H2AC16: variants seen among roughly 807,000 people sequenced by gnomAD.
H2AC16 encodes the protein H2A clustered histone 16.
A neutral mutation model predicts 6.6 loss-of-function variants in H2AC16; 11 were observed. The ratio of observed to expected loss-of-function variants is 1.67; its 90% CI spans 1.05 to 2.77. The LOEUF is 2.77. Among genes scored for constraint, H2AC16 ranks in the 30% most tolerant of loss-of-function variants. The pLI is 0.00. For synonymous variants in H2AC16, 131 were observed against 80.8 expected, an observed-to-expected ratio of 1.62 and a Z score of -3.33; for missense variants, 212 against 177.1, an observed-to-expected ratio of 1.20 and a Z score of -1.12.
chr6:27,865,330 T>G lies in H2AC16; in HGVS notation c.-25T>G, dbSNP rs771377224. The G allele has an allele frequency of 6.3e-7, 1 of 1,587,200 alleles. No homozygotes were observed. The highest frequency in any genetic ancestry group is 1.7e-5 in the Admixed American group (1 of 57,510). ...GTGAACTTCTCTCGGCTGTTCTCAG[T>G]TCCTCCATTTATCGTTTCTTCGTCA... On this transcript the variant is annotated 5_prime_UTR_variant, in exon 1 of 1. Transcript: ENST00000613174.
At position 27,865,513 on chromosome 6, in the gene H2AC16, G is replaced by C; in HGVS notation, c.159G>C (p.Ala53=). ...GGGCCGGCGCGCCGGTGTACCTGGC[G>C]GCGGTGCTGGAGTACCTGACTGCCG... ...RVGAGAPVYL[A]AVLEYLTAEI... Residue 53 remains alanine, a synonymous_variant, in exon 1 of 1, where the codon GCG becomes GCC. Transcript: ENST00000613174. 2 of 1,614,004 alleles carry C rather than the reference G, an allele frequency of 1.2e-6. No individual in the cohort carries two copies. Among genetic ancestry groups the C allele is most frequent in the Admixed American group, 1.7e-5 (1 of 60,006 alleles).
In H2AC16 at chr6:27,865,325, C is replaced by T. The variant is rs979363203; in HGVS notation, c.-30C>T. 6.3e-7 allele frequency: 1 copy of T among 1,581,036 alleles called. No homozygotes were observed. The highest frequency in any genetic ancestry group is 1.8e-5 in the Admixed American group (1 of 56,720). Reference sequence around the variant, plus strand: ...CTCTGGTGAACTTCTCTCGGCTGTTCTCAGTTCCTCCATTTATCGTTTCTT... The same window carrying T: ...CTCTGGTGAACTTCTCTCGGCTGTTTTCAGTTCCTCCATTTATCGTTTCTT... On this transcript the variant is annotated 5_prime_UTR_variant, in exon 1 of 1. Coordinates refer to ENST00000613174, the MANE Select transcript of H2AC16 (RefSeq NM_003511.3).
rs766710032 is a variant in H2AC16 at position 27,865,501 on chromosome 6, G to T, written c.147G>T (p.Pro49=). Residue 49 remains proline, a synonymous_variant, in exon 1 of 1, where the codon CCG becomes CCT. Coordinates refer to ENST00000613174, the MANE Select transcript of H2AC16 (RefSeq NM_003511.3). ...NYAERVGAGA[P]VYLAAVLEYL... ...CTGAGCGGGTCGGGGCCGGCGCGCC[G>T]GTGTACCTGGCGGCGGTGCTGGAGT... is the stretch of plus-strand genomic sequence containing the variant. The T allele has an allele frequency of 4.3e-6, 7 of 1,613,942 alleles. No individual in the cohort carries two copies. The African/African-American group carries it at 6.7e-5, about 15-fold the overall frequency.
Position 27,865,444 on chromosome 6 carries a change from A to G in H2AC16, c.90A>G (p.Arg30=). The change falls in exon 1 of 1, where the codon CGA becomes CGG. Residue 30 remains arginine (R), a synonymous_variant. Transcript: ENST00000613174. ...CCGGTCTCCAGTTCCCCGTGGGCCG[A>G]GTGCACCGACTGCTCCGCAAGGGCA... ...SRAGLQFPVG[R]VHRLLRKGNY... 3 of 1,613,940 alleles carry G rather than the reference A, an allele frequency of 1.9e-6. No homozygotes were observed. Among genetic ancestry groups the G allele is most frequent in the Non-Finnish European group, 2.5e-6 (3 of 1,179,936 alleles).
At position 27,865,747 on chromosome 6, in the gene H2AC16, A is replaced by G; in HGVS notation, c.393A>G (p.Ter131=). The G allele has an allele frequency of 6.2e-7, 1 of 1,613,514 alleles. No individual in the cohort carries two copies. The highest frequency in any genetic ancestry group is 1.1e-5 in the South Asian group (1 of 91,070). ...TESHHKAKGK[*] is the part of the protein sequence containing the mutation. ...GTCACCACAAGGCCAAAGGCAAATA[A>G]TGTCTCCATAGAATCACTTTCCAAT... Residue 131 remains the stop codon, a stop_retained_variant, in exon 1 of 1, where the codon TAA becomes TAG. Coordinates refer to ENST00000613174, the MANE Select transcript of H2AC16 (RefSeq NM_003511.3).
chr6:27,865,583 A>G lies in H2AC16; in HGVS notation c.229A>G (p.Thr77Ala). Residue 77 changes from threonine (T) to alanine (A), a missense_variant, in exon 1 of 1, where the codon ACC (threonine) becomes GCC (alanine). By Grantham distance (58) the Thr-to-Ala change is moderately conservative (BLOSUM62 0). Coordinates refer to ENST00000613174, the MANE Select transcript of H2AC16 (RefSeq NM_003511.3). ...CAACGCCGCCCGCGACAACAAGAAG[A>G]CCCGCATTATCCCGCGCCACTTGCA... ...AGNAARDNKKTRIIPRHLQLA... is the reference protein window; with the variant it reads ...AGNAARDNKKARIIPRHLQLA... 1 of 1,614,094 alleles carries G rather than the reference A, an allele frequency of 6.2e-7. No individual in the cohort carries two copies. The highest frequency in any genetic ancestry group is 8.5e-7 in the Non-Finnish European group (1 of 1,180,024).
rs1761474928 is a variant in H2AC16, at chr6:27,865,394, A to G, written c.40A>G (p.Lys14Glu). ...CAAGCAGGGAGGCAAAGCTCGCGCC[A>G]AAGCCAAGACCCGCTCTTCTCGTGC... ...RGKQGGKARA[K>E]AKTRSSRAGL... Residue 14 changes from lysine to glutamate, a missense_variant, in exon 1 of 1, where the codon AAA (lysine) becomes GAA (glutamate). By Grantham distance (56) the Lys-to-Glu change is moderately conservative. Coordinates refer to ENST00000613174, the MANE Select transcript of H2AC16 (RefSeq NM_003511.3). 8.1e-6 allele frequency: 13 copies of G among 1,611,646 alleles called. No homozygotes were observed. Among genetic ancestry groups the G allele is most frequent in the Non-Finnish European group, 1.0e-5 (12 of 1,178,300 alleles).
At position 27,865,520 on chromosome 6, in the gene H2AC16, C is replaced by A. The variant is rs1260305444; in HGVS notation, c.166C>A (p.Leu56Met). ...CGCGCCGGTGTACCTGGCGGCGGTG[C>A]TGGAGTACCTGACTGCCGAGATCCT... ...AGAPVYLAAV[L>M]EYLTAEILEL... Residue 56 changes from leucine to methionine, a missense_variant, in exon 1 of 1, where the codon CTG (leucine) becomes ATG (methionine). Transcript: ENST00000613174. 2.5e-6 allele frequency: 4 copies of A among 1,614,168 alleles called. No homozygotes were observed. Among genetic ancestry groups the A allele is most frequent in the South Asian group, 2.2e-5 (2 of 91,080 alleles).
At position 27,865,459 on chromosome 6, in the gene H2AC16, C is replaced by A. The variant is rs761920237; in HGVS notation, c.105C>A (p.Leu35=). 15 of 1,614,046 alleles carry A rather than the reference C, an allele frequency of 9.3e-6. No homozygotes were observed. The highest frequency in any genetic ancestry group is 1.2e-5 in the Non-Finnish European group (14 of 1,179,948). Residue 35 remains leucine, a synonymous_variant, in exon 1 of 1, where the codon CTC becomes CTA. Transcript: ENST00000613174. ...QFPVGRVHRL[L]RKGNYAERVG... The stretch of plus-strand genomic sequence containing the variant: ...CCGTGGGCCGAGTGCACCGACTGCT[C>A]CGCAAGGGCAACTATGCTGAGCGGG...
Position 27,865,700 on chromosome 6 carries a change from C to T in H2AC16, c.346C>T (p.Leu116=), listed in dbSNP as rs1324097183. ...GGVLPNIQAV[L]LPKKTESHHK... is the part of the protein sequence containing the mutation. ...TGTCCTGCCCAACATCCAGGCTGTG[C>T]TACTGCCCAAGAAGACCGAGAGTCA... Residue 116 remains leucine, a synonymous_variant, in exon 1 of 1, where the codon CTA becomes TTA. Coordinates refer to ENST00000613174, the MANE Select transcript of H2AC16 (RefSeq NM_003511.3). The T allele has an allele frequency of 2.5e-6, 4 of 1,614,218 alleles. No individual in the cohort carries two copies. The highest frequency in any genetic ancestry group is 2.2e-5 in the South Asian group (2 of 91,084).
Position 27,865,393 on chromosome 6 carries a change from C to T in H2AC16, c.39C>T (p.Ala13=), listed in dbSNP as rs1171692930. The T allele has an allele frequency of 2.5e-6, 4 of 1,611,696 alleles. No homozygotes were observed. Among genetic ancestry groups the T allele is most frequent in the East Asian group, 2.2e-5 (1 of 44,816 alleles). ...GCAAGCAGGGAGGCAAAGCTCGCGC[C>T]AAAGCCAAGACCCGCTCTTCTCGTG... ...GRGKQGGKAR[A]KAKTRSSRAG... The change falls in exon 1 of 1, where the codon GCC becomes GCT. Residue 13 remains alanine, a synonymous_variant. Transcript: ENST00000613174.
At position 27,865,503 on chromosome 6, in the gene H2AC16, T is replaced by G. The variant is rs763762817; in HGVS notation, c.149T>G (p.Val50Gly). ...YAERVGAGAP[V>G]YLAAVLEYLT... ...GAGCGGGTCGGGGCCGGCGCGCCGG[T>G]GTACCTGGCGGCGGTGCTGGAGTAC... Residue 50 changes from valine to glycine, a missense_variant, in exon 1 of 1, where the codon GTG becomes GGG. Coordinates refer to ENST00000613174, the MANE Select transcript of H2AC16 (RefSeq NM_003511.3). 1 of 1,613,928 alleles carries G rather than the reference T, an allele frequency of 6.2e-7. No individual in the cohort carries two copies. The highest frequency in any genetic ancestry group is 8.5e-7 in the Non-Finnish European group (1 of 1,179,978).
In H2AC16 at chr6:27,865,322, G is replaced by C; in HGVS notation, c.-33G>C. The C allele has an allele frequency of 6.3e-7, 1 of 1,578,174 alleles. No homozygotes were observed. The highest frequency in any genetic ancestry group is 8.6e-7 in the Non-Finnish European group (1 of 1,160,398). On this transcript the variant is annotated 5_prime_UTR_variant, in exon 1 of 1. Transcript: ENST00000613174. Reference sequence around the variant, plus strand: ...GAGCTCTGGTGAACTTCTCTCGGCTGTTCTCAGTTCCTCCATTTATCGTTT... The same window carrying C: ...GAGCTCTGGTGAACTTCTCTCGGCTCTTCTCAGTTCCTCCATTTATCGTTT...
chr6:27,865,594 C>T lies in H2AC16; in HGVS notation c.240C>T (p.Ile80=). The part of the protein sequence containing the change: ...AARDNKKTRI[I]PRHLQLAIRN... ...GCGACAACAAGAAGACCCGCATTAT[C>T]CCGCGCCACTTGCAGCTGGCCATCC... The change falls in exon 1 of 1, where the codon ATC becomes ATT. Residue 80 remains isoleucine, a synonymous_variant. Coordinates refer to ENST00000613174, the MANE Select transcript of H2AC16 (RefSeq NM_003511.3). The T allele has an allele frequency of 6.2e-7, 1 of 1,614,244 alleles. No homozygotes were observed.
rs1412896073 is a variant in H2AC16, at chr6:27,865,442, C to T, written c.88C>T (p.Arg30Ter). The change falls in exon 1 of 1, where the codon CGA (arginine) becomes TGA (stop). Residue 30 changes from arginine to a stop codon, truncating the protein, a stop_gained. Coordinates refer to ENST00000613174, the MANE Select transcript of H2AC16 (RefSeq NM_003511.3). LOFTEE classifies it high-confidence loss of function. Reference protein sequence around the residue: ...SRAGLQFPVGRVHRLLRKGNY... With the variant: ...SRAGLQFPVG The stretch of plus-strand genomic sequence containing the variant: ...TGCCGGTCTCCAGTTCCCCGTGGGC[C>T]GAGTGCACCGACTGCTCCGCAAGGG... 1.2e-6 allele frequency: 2 copies of T among 1,613,882 alleles called. No individual in the cohort carries two copies. The highest frequency in any genetic ancestry group is 1.7e-6 in the Non-Finnish European group (2 of 1,179,966).
rs576189710 is a variant in H2AC16, at chr6:27,865,460, C to A, written c.106C>A (p.Arg36Ser). 1.2e-6 allele frequency: 2 copies of A among 1,614,042 alleles called. No individual in the cohort carries two copies. Among genetic ancestry groups the A allele is most frequent in the Non-Finnish European group, 1.7e-6 (2 of 1,179,956 alleles). Reference sequence around the variant, plus strand: ...CGTGGGCCGAGTGCACCGACTGCTCCGCAAGGGCAACTATGCTGAGCGGGT... The same window carrying A: ...CGTGGGCCGAGTGCACCGACTGCTCAGCAAGGGCAACTATGCTGAGCGGGT... ...FPVGRVHRLL[R>S]KGNYAERVGA... The change falls in exon 1 of 1, where the codon CGC becomes AGC. Residue 36 changes from arginine (R) to serine (S), a missense_variant. By Grantham distance (110) the Arg-to-Ser change is moderately radical. Coordinates refer to ENST00000613174, the MANE Select transcript of H2AC16 (RefSeq NM_003511.3).
chr6:27,865,429 G>T lies in H2AC16; in HGVS notation c.75G>T (p.Gln25His). Reference sequence around the variant, plus strand: ...CCCGCTCTTCTCGTGCCGGTCTCCAGTTCCCCGTGGGCCGAGTGCACCGAC... The same window carrying T: ...CCCGCTCTTCTCGTGCCGGTCTCCATTTCCCCGTGGGCCGAGTGCACCGAC... ...AKTRSSRAGL[Q>H]FPVGRVHRLL... Residue 25 changes from glutamine to histidine, a missense_variant, in exon 1 of 1, where the codon CAG (glutamine) becomes CAT (histidine). Transcript: ENST00000613174. 6.2e-7 allele frequency: 1 copy of T among 1,613,982 alleles called. No homozygotes were observed. The highest frequency in any genetic ancestry group is 1.7e-5 in the Admixed American group (1 of 60,020).
In H2AC16 at chr6:27,865,639, C is replaced by A. The variant is rs1273139740; in HGVS notation, c.285C>A (p.Asn95Lys). The A allele has an allele frequency of 6.2e-7, 1 of 1,614,244 alleles. No homozygotes were observed. The highest frequency in any genetic ancestry group is 8.5e-7 in the Non-Finnish European group (1 of 1,180,048). The change falls in exon 1 of 1, where the codon AAC becomes AAA. Residue 95 changes from asparagine (N) to lysine (K), a missense_variant. Physicochemically the swap from Asn to Lys is moderately conservative, Grantham distance 94 (BLOSUM62 0). Coordinates refer to ENST00000613174, the MANE Select transcript of H2AC16 (RefSeq NM_003511.3). ...CCATCCGCAACGACGAGGAGCTCAA[C>A]AAGCTGCTGGGCAAAGTAACCATCG... ...QLAIRNDEEL[N>K]KLLGKVTIAQ...
chr6:27,865,718 G>T lies in H2AC16; in HGVS notation c.364G>T (p.Glu122Ter), dbSNP rs778934233. ...GGCTGTGCTACTGCCCAAGAAGACC[G>T]AGAGTCACCACAAGGCCAAAGGCAA... ...IQAVLLPKKT[E>*]SHHKAKGK Residue 122 changes from glutamate (E) to a stop codon, truncating the protein, a stop_gained, in exon 1 of 1, where the codon GAG (glutamate) becomes TAG (stop). Coordinates refer to ENST00000613174, the MANE Select transcript of H2AC16 (RefSeq NM_003511.3). LOFTEE classifies it high-confidence loss of function. 3 of 1,614,198 alleles carry T rather than the reference G, an allele frequency of 1.9e-6. No homozygotes were observed. The highest frequency in any genetic ancestry group is 1.7e-5 in the Admixed American group (1 of 60,024).
Sources: gnomAD v4.1 joint callset for allele counts on GRCh38, gnomAD v4.1.1 for gene constraint, MANE v1.5 for transcripts, NCBI Gene and HGNC (gene_info 2026-07-23, HGNC 2026-07-21) for gene names.